The following KCNIP4 variants were observed in gnomAD, a reference collection of about 807,000 sequenced individuals.
KCNIP4 encodes the protein Kv channel-interacting protein 4.
Under a neutral mutation model 34.0 loss-of-function variants are expected in KCNIP4, and 12 were observed. The observed-to-expected ratio is 0.35, with a 90% CI of 0.23 to 0.57. KCNIP4 has a LOEUF of 0.57. KCNIP4 is among the 20% of genes least tolerant of loss of function. KCNIP4 has a pLI of 0.83. For missense variants in KCNIP4, 238 were observed against 311.7 expected, an observed-to-expected ratio of 0.76 and a Z score of 1.78; for synonymous variants, 124 against 102.2, an observed-to-expected ratio of 1.21 and a Z score of -1.29.
Position 21,683,342 on chromosome 4 carries a change from T to C in KCNIP4, c.61+265229A>G, listed in dbSNP as rs147551758. ...TCACTTGCCTTTACTAACAAAAATC[T>C]CATGAAGGTCGGACTATCATTATCT... On this transcript the variant is annotated intron_variant, in intron 1 of 8. Transcript: ENST00000382152. Among the ~76,000 whole-genome samples the C allele has an allele frequency of 4.1e-3, 621 of 151,246 alleles. 1 individual carries two copies. Among genetic ancestry groups the C allele is most frequent in the African/African-American group, 0.014 (582 of 41,304 alleles).
At chr4:20,868,290 A>G (rs1368385963) in intron 2 of KCNIP4, among the ~76,000 whole-genome samples, 2 of 152,110 alleles carry the variant, frequency 1.3e-5, no homozygotes, top group Admixed American at 1.3e-4. Context: ...CTAAATTACA[A>G]TGAGATACCA....
At chr4:20,982,374 A>G (rs117040742) in intron 1 of KCNIP4, among the ~76,000 whole-genome samples, 1 of 152,342 alleles carries the variant, frequency 6.6e-6, no homozygotes, top group East Asian at 1.9e-4. Context: ...TACTGTATTA[A>G]GACACCAGCA....
At chr4:21,554,569 T>C (rs1738836613) in intron 1 of KCNIP4, among the ~76,000 whole-genome samples, 2 of 152,158 alleles carry the variant, frequency 1.3e-5, no homozygotes, top group Non-Finnish European at 2.9e-5. Flanking sequence ...TGTCCTACCA[T>C]GTCTTTTCAT....
At chr4:21,540,134 C>T (rs1737559903) in intron 1 of KCNIP4, among the ~76,000 whole-genome samples, 1 of 152,078 alleles carries the variant, frequency 6.6e-6, no homozygotes. Context: ...TTAATTAGGC[C>T]TTCAGATTTG....
chr4:21,846,196 T>C (rs1160177303), intron 1 of KCNIP4: 1 of 152,158 alleles, frequency 6.6e-6, no homozygotes, highest in Non-Finnish European at 1.5e-5. Context: ...AAATTTGAGA[T>C]ACTAATTTCC....
At chr4:20,876,348 CAG>C (rs1470792177) in intron 2 of KCNIP4, among the ~76,000 whole-genome samples, 2 of 152,010 alleles carry the variant, frequency 1.3e-5, no homozygotes, top group African/African-American at 2.4e-5. Context: ...GTGAGTTACT[CAG>C]AGTTATTCAA....
rs769294254 is a variant in KCNIP4 at position 21,479,575 on chromosome 4, T to G, written c.61+468996A>C. On this transcript the variant is annotated intron_variant, in intron 1 of 8. Coordinates refer to ENST00000382152, the MANE Select transcript of KCNIP4 (RefSeq NM_025221.6). ...TACAAGTACTTTATAAGCTTGCTCT[T>G]TACAACATGCACATACACACACATA... is the stretch of plus-strand genomic sequence containing the variant. Among the ~76,000 whole-genome samples the G allele has an allele frequency of 1.4e-4, 22 of 152,076 alleles. 1 individual carries two copies. Among genetic ancestry groups the G allele is most frequent in the Non-Finnish European group, 3.1e-4 (21 of 68,006 alleles).
intron 1 of KCNIP4, among the ~76,000 whole-genome samples, chr4:20,925,435 A>T (rs1017108419): frequency 2.0e-5 from 3 of 152,216 alleles, no homozygotes; most frequent in Admixed American, 2.0e-4. Flanking sequence ...GATGGCGATG[A>T]GAATGACCAA....
chr4:21,201,642 T>A (rs2059487), intron 1 of KCNIP4, among the ~76,000 whole-genome samples: 1 of 151,958 alleles, frequency 6.6e-6, no homozygotes, highest in Non-Finnish European at 1.5e-5. Flanking sequence ...GGGACTACAG[T>A]TGCCCGCCAC....
chr4:21,250,241 CAT>C (rs1760605261), intron 1 of KCNIP4, among the ~76,000 whole-genome samples: 1 of 146,894 alleles, frequency 6.8e-6, no homozygotes, highest in African/African-American at 2.5e-5. Flanking sequence ...AGGAAATATA[CAT>C]ATATATGCAC....
Position 20,986,700 on chromosome 4 carries a change from T to G in KCNIP4, c.62-103991A>C, listed in dbSNP as rs73805248. ...GCAGATTTCAGCAAATATTTGCCAA[T>G]TGATCTCTTAGTTTAGAGAGTTGGT... is the stretch of plus-strand genomic sequence containing the variant. On this transcript the variant is annotated intron_variant, in intron 1 of 8. Coordinates refer to ENST00000382152, the MANE Select transcript of KCNIP4 (RefSeq NM_025221.6). 3.1e-3 allele frequency among the ~76,000 whole-genome samples: 475 copies of G among 152,316 alleles called. 5 individuals carry two copies. The highest frequency in any genetic ancestry group is 0.011 in the African/African-American group (457 of 41,568).
intron 1 of KCNIP4, among the ~76,000 whole-genome samples, chr4:21,605,066 G>A (rs933759845): frequency 6.6e-6 from 1 of 152,160 alleles, no homozygotes; most frequent in Non-Finnish European, 1.5e-5. Context: ...TGGGATTCTT[G>A]CGGGCTGGTC....
intron 1 of KCNIP4, among the ~76,000 whole-genome samples, chr4:21,071,910 G>A (rs889230180): frequency 6.6e-6 from 1 of 152,068 alleles, no homozygotes; most frequent in African/African-American, 2.4e-5. Context: ...TTTTGTCCTT[G>A]CGATAGTTTG....
intron 1 of KCNIP4, among the ~76,000 whole-genome samples, chr4:21,214,429 G>T (rs185666409): frequency 3.3e-5 from 5 of 151,818 alleles, no homozygotes; most frequent in Non-Finnish European, 5.9e-5. Flanking sequence ...TGACTTCCCC[G>T]TCAAAAAAAA....
chr4:21,637,827 G>A (rs183868071), intron 1 of KCNIP4, among the ~76,000 whole-genome samples: 24 of 150,300 alleles, frequency 1.6e-4, no homozygotes, highest in Admixed American at 4.6e-4. Context: ...AAATTTTGGA[G>A]TTGTTAAGGA....
intron 1 of KCNIP4, among the ~76,000 whole-genome samples, chr4:20,981,824 TATAA>T (rs1431296840): frequency 2.0e-5 from 3 of 152,220 alleles, no homozygotes; most frequent in African/African-American, 7.2e-5. Flanking sequence ...ACATAATATC[TATAA>T]ATATTTATGT....
At chr4:20,846,665 C>T (rs181421343) in intron 3 of KCNIP4, among the ~76,000 whole-genome samples, 4 of 152,212 alleles carry the variant, frequency 2.6e-5, no homozygotes, top group South Asian at 2.1e-4. Flanking sequence ...CACACACATA[C>T]GCGCACACAC....
At chr4:21,312,295 T>A (rs1473176169) in intron 1 of KCNIP4, among the ~76,000 whole-genome samples, 2 of 152,242 alleles carry the variant, frequency 1.3e-5, no homozygotes, top group Non-Finnish European at 2.9e-5. Context: ...AACTGTTATG[T>A]GCATCAGCAT....
At chr4:21,875,981 C>G (rs1726087038) in intron 1 of KCNIP4, among the ~76,000 whole-genome samples, 1 of 152,100 alleles carries the variant, frequency 6.6e-6, no homozygotes, top group Non-Finnish European at 1.5e-5. Context: ...TCAGAAAAAT[C>G]AATTTAAGTT....
Sources: gnomAD v4.1 joint callset for allele counts (sites outside exome capture counted in the v4.1 genomes callset) on GRCh38, gnomAD v4.1.1 for gene constraint, MANE v1.5 for transcripts, NCBI Gene and HGNC (gene_info 2026-07-23, HGNC 2026-07-21) for gene names.